DTNA: variants seen among roughly 807,000 people sequenced by gnomAD.
The protein encoded by DTNA is dystrophin-related protein 3.
Under a neutral mutation model 100.7 loss-of-function variants are expected in DTNA, and 43 were observed. That is an observed-to-expected ratio of 0.43 (90% CI 0.33 to 0.55). DTNA has a LOEUF of 0.55. Ranked by LOEUF, DTNA falls within the 20% of genes least tolerant of loss-of-function variation. The probability of loss-of-function intolerance (pLI) is 0.04; values close to 1 mark genes in which losing one functional copy is unlikely to be tolerated. For synonymous variants in DTNA, 349 were observed against 347.9 expected, an observed-to-expected ratio of 1.00 and a Z score of -0.04; for missense variants, 798 against 953.9, an observed-to-expected ratio of 0.84 and a Z score of 2.15.
intron 3 of DTNA, among the ~76,000 whole-genome samples, chr18:34,786,470 CTATT>C (rs575656813): frequency 2.5e-3 from 386 of 152,232 alleles, no homozygotes; most frequent in Middle Eastern, 6.8e-3. Flanking sequence ...TCAGGAGAAA[CTATT>C]TATCTTTGTT....
chr18:34,556,411 T>C (rs967367798), intron 1 of DTNA, among the ~76,000 whole-genome samples: 1 of 151,776 alleles, frequency 6.6e-6, no homozygotes, highest in African/African-American at 2.4e-5. Flanking sequence ...GATCCTGTCA[T>C]TATGATGTTA....
At chr18:34,826,331 C>A (rs753002136) in intron 9 of DTNA, among the ~76,000 whole-genome samples, 1 of 152,014 alleles carries the variant, frequency 6.6e-6, no homozygotes, top group Non-Finnish European at 1.5e-5. Flanking sequence ...ACCCATCACT[C>A]GAGCAGTATA....
intron 3 of DTNA, among the ~76,000 whole-genome samples, chr18:34,772,500 C>T (rs1162435262): frequency 2.6e-5 from 4 of 152,096 alleles, no homozygotes; most frequent in African/African-American, 4.8e-5. Context: ...TATGAATGAA[C>T]GAATATGCTC....
chr18:34,581,008 G>A (rs2048560607), intron 1 of DTNA, among the ~76,000 whole-genome samples: 1 of 152,180 alleles, frequency 6.6e-6, no homozygotes. Flanking sequence ...CACTTTGGGA[G>A]GCCAAGGCAG....
At chr18:34,687,578 G>C (rs1195430293) in intron 1 of DTNA, among the ~76,000 whole-genome samples, 4 of 152,180 alleles carry the variant, frequency 2.6e-5, no homozygotes, top group African/African-American at 9.7e-5. Context: ...GTCAATTTTA[G>C]AATAAGTGCT....
intron 1 of DTNA, among the ~76,000 whole-genome samples, chr18:34,631,518 TTTAA>T (rs1446237762): frequency 1.3e-5 from 2 of 152,210 alleles, no homozygotes; most frequent in African/African-American, 2.4e-5. Flanking sequence ...AGTCCAAGTA[TTTAA>T]TGAGCAGGAA....
intron 1 of DTNA, chr18:34,755,327 A>T (rs1243417112): frequency 5.3e-5 from 8 of 152,372 alleles, no homozygotes; most frequent in Non-Finnish European, 1.0e-4. Context: ...TATTTTAAAT[A>T]GTTCCACTGC....
intron 1 of DTNA, among the ~76,000 whole-genome samples, chr18:34,605,713 A>T (rs1009784080): frequency 6.6e-6 from 1 of 151,656 alleles, no homozygotes; most frequent in Non-Finnish European, 1.5e-5. Context: ...TTAAAACACA[A>T]CTCCATGCTT....
intron 5 of DTNA, among the ~76,000 whole-genome samples, chr18:34,811,409 T>C (rs1196815364): frequency 6.6e-6 from 1 of 152,228 alleles, no homozygotes; most frequent in Non-Finnish European, 1.5e-5. Context: ...TAGAAAGTTT[T>C]CTTCTTCTGT....
At chr18:34,545,476 C>A (rs931440853) in intron 1 of DTNA, among the ~76,000 whole-genome samples, 12 of 151,938 alleles carry the variant, frequency 7.9e-5, no homozygotes, top group African/African-American at 2.4e-4. Flanking sequence ...TAACCAGGCA[C>A]CATAGTAGTT....
chr18:34,610,128 ATAGT>A (rs1295156124), intron 1 of DTNA, among the ~76,000 whole-genome samples: 3 of 152,208 alleles, frequency 2.0e-5, no homozygotes, highest in Non-Finnish European at 4.4e-5. Context: ...TCTAGACAGA[ATAGT>A]TAAACAATAA....
intron 1 of DTNA, among the ~76,000 whole-genome samples, chr18:34,543,814 C>T (rs1279964347): frequency 6.6e-6 from 1 of 152,152 alleles, no homozygotes; most frequent in African/African-American, 2.4e-5. Context: ...ATTTAATATT[C>T]GATTCACTGA....
At chr18:34,780,200 C>T (rs374153134) in intron 3 of DTNA, among the ~76,000 whole-genome samples, 1 of 152,128 alleles carries the variant, frequency 6.6e-6, no homozygotes, top group African/African-American at 2.4e-5. Context: ...CCTTGTCTGT[C>T]AGAAATTATA....
At chr18:34,553,866 T>C (rs1309070932) in intron 1 of DTNA, among the ~76,000 whole-genome samples, 2 of 152,158 alleles carry the variant, frequency 1.3e-5, no homozygotes. Context: ...GCGGGCTCTT[T>C]TTTTGGTTCC....
chr18:34,744,025 T>A (rs2091171005), intron 1 of DTNA, among the ~76,000 whole-genome samples: 1 of 152,120 alleles, frequency 6.6e-6, no homozygotes. Context: ...ATTATTTCCT[T>A]TTCCCAGCGA....
At chr18:34,541,612 C>A (rs979503035) in intron 1 of DTNA, among the ~76,000 whole-genome samples, 10 of 152,040 alleles carry the variant, frequency 6.6e-5, no homozygotes, top group African/African-American at 2.4e-4. Flanking sequence ...TCAATTAAAC[C>A]ACTTTCCTTT....
At chr18:34,822,284 C>A (rs2095743122) in intron 9 of DTNA, 1 of 152,212 alleles carries the variant, frequency 6.6e-6, no homozygotes, top group Non-Finnish European at 1.5e-5. Context: ...TTATTAAGAT[C>A]TAGACTTTCC....
chr18:34,763,641 A>C lies in DTNA; in HGVS notation c.68-2320A>C, dbSNP rs535108319. ...AGGAGTCCTTATCAAAGGTAGTAAT[A>C]ATTGCTTTCTGTATATTCTATACAG... On this transcript the variant is annotated intron_variant, in intron 2 of 22. Coordinates refer to ENST00000444659, the MANE Select transcript of DTNA (RefSeq NM_001386795.1). Among the ~76,000 whole-genome samples, 12 of 152,314 alleles carry C rather than the reference A, an allele frequency of 7.9e-5. 1 individual carries two copies. In the South Asian group the frequency reaches 2.5e-3, roughly 32 times the overall value.
In DTNA at chr18:34,838,135, T is replaced by C. The variant is rs1178403891; in HGVS notation, c.1217T>C (p.Leu406Pro). The change falls in exon 12 of 23, where the codon CTG becomes CCG. Residue 406 changes from leucine (L) to proline (P), a missense_variant. Around this residue, in one of 6 missense-constraint regions of DTNA, gnomAD observed 159 missense variants for 201.2 expected, o/e 0.79. Transcript: ENST00000444659. The part of the protein sequence containing the change: ...KDSEVEQNKL[L>P]ARAAPAFLKG... ...AGTGAAGTAGAGCAGAACAAACTGCTGGCTAGGGCTGCTCCAGCTTTTCTG... is the reference window on the plus strand; with the variant it reads ...AGTGAAGTAGAGCAGAACAAACTGCCGGCTAGGGCTGCTCCAGCTTTTCTG... 1.9e-6 allele frequency: 3 copies of C among 1,613,798 alleles called. No homozygotes were observed. The African/African-American group carries it at 4.0e-5, about 22-fold the overall frequency.
Sources: allele counts gnomAD v4.1 joint callset (sites outside exome capture counted in the v4.1 genomes callset), GRCh38; gene constraint gnomAD v4.1.1; regional missense constraint gnomAD v4.1.1; transcripts MANE v1.5; gene names NCBI Gene and HGNC (gene_info 2026-07-23, HGNC 2026-07-21).